The following PTPRG variants were observed in gnomAD, a reference collection of about 807,000 sequenced individuals.
The protein encoded by PTPRG is protein tyrosine phosphatase receptor type G.
A neutral mutation model predicts 165.3 loss-of-function variants in PTPRG; 102 were observed. The observed-to-expected ratio is 0.62, with a 90% CI of 0.53 to 0.73. The LOEUF (loss-of-function observed/expected upper bound fraction) is 0.73, where lower values mean the gene tolerates loss of function less well. Ranked by LOEUF, PTPRG falls within the 30% of genes least tolerant of loss-of-function variation. The pLI, the probability that PTPRG is intolerant of heterozygous loss-of-function variation, is 0.00. For synonymous variants in PTPRG, 675 were observed against 669.5 expected, an observed-to-expected ratio of 1.01 and a Z score of -0.13; for missense variants, 1,866 against 1,861.4, an observed-to-expected ratio of 1.00 and a Z score of -0.05.
At chr3:61,785,191 G>T (rs553554381) in intron 2 of PTPRG, among the ~76,000 whole-genome samples, 1 of 152,282 alleles carries the variant, frequency 6.6e-6, no homozygotes, top group Non-Finnish European at 1.5e-5. Flanking sequence ...AACCTCTGCC[G>T]TATTTGGTTT....
At chr3:62,287,527 TAGGATACTAG>T (rs969694009) in intron 28 of PTPRG, among the ~76,000 whole-genome samples, 3 of 152,102 alleles carry the variant, frequency 2.0e-5, no homozygotes, top group African/African-American at 7.2e-5. Flanking sequence ...ACTTAAAAGA[TAGGATACTAG>T]TGGAGTGTAG....
intron 16 of PTPRG, among the ~76,000 whole-genome samples, chr3:62,258,696 T>TA (rs1394692977): frequency 6.6e-6 from 1 of 152,196 alleles, no homozygotes; most frequent in Admixed American, 6.5e-5. Flanking sequence ...AAATAAATTC[T>TA]AGAGACCGTG....
intron 1 of PTPRG, among the ~76,000 whole-genome samples, chr3:61,746,091 C>G (rs2033190006): frequency 6.7e-6 from 1 of 149,358 alleles, no homozygotes. Context: ...CTCTGTTGCC[C>G]AGGCTGGAGT....
intron 2 of PTPRG, among the ~76,000 whole-genome samples, chr3:61,985,796 G>A (rs1026576074): frequency 6.6e-6 from 1 of 152,154 alleles, no homozygotes; most frequent in African/African-American, 2.4e-5. Context: ...ATGATGCTTC[G>A]CAGAAGGCAT....
chr3:62,031,458 A>G (rs1699767168), intron 4 of PTPRG, among the ~76,000 whole-genome samples: 1 of 152,216 alleles, frequency 6.6e-6, no homozygotes, highest in South Asian at 2.1e-4. Context: ...TGAAAATAAG[A>G]TTACCATGAT....
chr3:62,068,201 A>T (rs1701084160), intron 4 of PTPRG, among the ~76,000 whole-genome samples: 1 of 152,154 alleles, frequency 6.6e-6, no homozygotes, highest in African/African-American at 2.4e-5. Context: ...ATTGATGTAA[A>T]ACGTTCAGAA....
At chr3:61,804,045 G>A (rs191754678) in intron 2 of PTPRG, among the ~76,000 whole-genome samples, 10 of 152,232 alleles carry the variant, frequency 6.6e-5, no homozygotes, top group South Asian at 4.1e-4. Context: ...ATGCAGGTTC[G>A]TAGTAAAGAA....
chr3:62,052,520 TGCATC>T (rs1700499106), intron 4 of PTPRG, among the ~76,000 whole-genome samples: 1 of 152,084 alleles, frequency 6.6e-6, no homozygotes, highest in African/African-American at 2.4e-5. Context: ...TAGCTGAGAT[TGCATC>T]TCTACAAAAA....
intron 5 of PTPRG, among the ~76,000 whole-genome samples, chr3:62,115,101 T>G (rs1354472643): frequency 6.6e-6 from 1 of 152,114 alleles, no homozygotes; most frequent in Non-Finnish European, 1.5e-5. Flanking sequence ...ATCAGAAAAA[T>G]AGAGATTTTC....
At chr3:61,745,994 G>T (rs1303383387) in intron 1 of PTPRG, among the ~76,000 whole-genome samples, 2 of 151,982 alleles carry the variant, frequency 1.3e-5, no homozygotes, top group Non-Finnish European at 2.9e-5. Context: ...CAGCTTTGTC[G>T]AAGGTTTAAA....
intron 2 of PTPRG, among the ~76,000 whole-genome samples, chr3:61,796,561 C>T (rs1575670489): frequency 6.6e-6 from 1 of 152,090 alleles, no homozygotes; most frequent in Admixed American, 6.6e-5. Context: ...TGCAAGTTGA[C>T]CATTGTGGCA....
At chr3:62,021,948 GTGTC>G (rs2041704556) in intron 4 of PTPRG, among the ~76,000 whole-genome samples, 2 of 141,850 alleles carry the variant, frequency 1.4e-5, no homozygotes, top group South Asian at 4.5e-4. Flanking sequence ...AAAAAAGAAA[GTGTC>G]TGGAGAGAGA....
At chr3:61,999,108 A>G (rs1210243144) in intron 3 of PTPRG, among the ~76,000 whole-genome samples, 2 of 151,828 alleles carry the variant, frequency 1.3e-5, no homozygotes, top group Non-Finnish European at 2.9e-5. Flanking sequence ...GTGCAGTGGC[A>G]TTATCTCGAT....
chr3:61,648,616 A>G (rs963279917), intron 1 of PTPRG, among the ~76,000 whole-genome samples: 2 of 152,184 alleles, frequency 1.3e-5, no homozygotes, highest in Non-Finnish European at 2.9e-5. Flanking sequence ...GCACCAAGGG[A>G]ACGTCTAATG....
At chr3:62,055,100 C>T (rs1276233464) in intron 4 of PTPRG, among the ~76,000 whole-genome samples, 1 of 152,324 alleles carries the variant, frequency 6.6e-6, no homozygotes, top group African/African-American at 2.4e-5. Context: ...GATACACTCA[C>T]ATCATAAATT....
intron 2 of PTPRG, among the ~76,000 whole-genome samples, chr3:61,922,940 C>T (rs996459535): frequency 2.0e-5 from 3 of 152,180 alleles, no homozygotes; most frequent in Non-Finnish European, 4.4e-5. Flanking sequence ...CATACCCCAC[C>T]CAAATTAACC....
chr3:61,597,862 T>A (rs1207295332), intron 1 of PTPRG, among the ~76,000 whole-genome samples: 1 of 152,248 alleles, frequency 6.6e-6, no homozygotes, highest in Non-Finnish European at 1.5e-5. Context: ...ATTTATCCTC[T>A]TAAAGCATTT....
intron 6 of PTPRG, among the ~76,000 whole-genome samples, chr3:62,149,860 T>C (rs1704262341): frequency 6.6e-6 from 1 of 152,206 alleles, no homozygotes; most frequent in African/African-American, 2.4e-5. Context: ...AAGCTGATTT[T>C]TTCCCCCCCT....
chr3:61,609,172 C>T (rs4688641), intron 1 of PTPRG, among the ~76,000 whole-genome samples: 149,498 of 152,346 alleles, frequency 0.98, 73,418 homozygotes, highest in East Asian at 1. Flanking sequence ...TCCCTTAGGC[C>T]GTGTCCCCTT....
Sources: allele counts gnomAD v4.1 joint callset (sites outside exome capture counted in the v4.1 genomes callset), GRCh38; gene constraint gnomAD v4.1.1; transcripts MANE v1.5; gene names NCBI Gene and HGNC (gene_info 2026-07-23, HGNC 2026-07-21).